CADM2: variants seen among roughly 807,000 people sequenced by gnomAD.
CADM2 encodes immunoglobulin superfamily member 4D.
CADM2 carries 12 observed loss-of-function variants against 49.8 expected under a neutral mutation model. The observed-to-expected ratio is 0.24, with a 90% CI of 0.15 to 0.39. The LOEUF (loss-of-function observed/expected upper bound fraction) is 0.39. Ranked by LOEUF, CADM2 falls within the 10% of genes least tolerant of loss-of-function variation. CADM2 has a pLI of 1.00. For missense variants in CADM2, 378 were observed against 492.3 expected (o/e 0.77, Z 2.20); for synonymous variants, 214 against 175.4 (o/e 1.22, Z -1.74).
rs1418273669 is a variant in CADM2 at position 86,072,673 on chromosome 3, T to C, written c.*5890T>C. ...TTCTTCAGATGCTTTTTCGTGTACA[T>C]GATACTAGTAGACACTTTTCTCTTT... is the stretch of plus-strand genomic sequence containing the variant. On this transcript the variant is annotated 3_prime_UTR_variant, in exon 10 of 10. Coordinates refer to ENST00000383699, the MANE Select transcript of CADM2 (RefSeq NM_001167675.2). 1 of 152,034 alleles carries C rather than the reference T, an allele frequency of 6.6e-6. No individual in the cohort carries two copies. Among genetic ancestry groups the C allele is most frequent in the Non-Finnish European group, 1.5e-5 (1 of 67,956 alleles). 9.4% of individuals were successfully genotyped at this position (152,034 alleles called of 1,614,324 possible).
chr3:85,842,953 C>A (rs910067223), intron 3 of CADM2, among the ~76,000 whole-genome samples: 3 of 151,978 alleles, frequency 2.0e-5, no homozygotes, highest in African/African-American at 7.2e-5. Context: ...TGTGGACATG[C>A]ATTCATATAA....
chr3:85,097,332 T>C (rs2037837374), intron 1 of CADM2, among the ~76,000 whole-genome samples: 1 of 152,184 alleles, frequency 6.6e-6, no homozygotes, highest in Admixed American at 6.5e-5. Context: ...CATGAATTCT[T>C]CATTTTTTAT....
chr3:85,854,113 C>G (rs746546088), intron 3 of CADM2, among the ~76,000 whole-genome samples: 2 of 151,974 alleles, frequency 1.3e-5, no homozygotes, highest in Non-Finnish European at 2.9e-5. Context: ...TTTTTAAAAA[C>G]TAAAAACCAC....
chr3:85,583,088 T>A (rs551680079), intron 1 of CADM2, among the ~76,000 whole-genome samples: 1 of 152,154 alleles, frequency 6.6e-6, no homozygotes, highest in African/African-American at 2.4e-5. Context: ...TTATTTACTA[T>A]ACGTTAGGAA....
chr3:85,153,091 C>T (rs564313880), intron 1 of CADM2, among the ~76,000 whole-genome samples: 8 of 152,278 alleles, frequency 5.3e-5, no homozygotes, highest in African/African-American at 1.7e-4. Context: ...GCCAAGATGG[C>T]CAAATAGGAA....
chr3:85,578,280 G>T (rs1251454164), intron 1 of CADM2, among the ~76,000 whole-genome samples: 1 of 152,132 alleles, frequency 6.6e-6, no homozygotes, highest in Non-Finnish European at 1.5e-5. Flanking sequence ...TAAAATTACT[G>T]AAGAGTGTGT....
intron 1 of CADM2, among the ~76,000 whole-genome samples, chr3:85,192,954 C>T (rs1255584793): frequency 2.0e-5 from 3 of 151,938 alleles, no homozygotes; most frequent in South Asian, 2.1e-4. Flanking sequence ...ATAAATGATG[C>T]AAGTATAAAT....
intron 6 of CADM2, among the ~76,000 whole-genome samples, chr3:85,916,132 T>A (rs1015082767): frequency 5.3e-5 from 8 of 152,118 alleles, no homozygotes; most frequent in Admixed American, 3.3e-4. Flanking sequence ...AAAATATTAA[T>A]CATACATTTA....
At chr3:85,203,940 A>T (rs2041569608) in intron 1 of CADM2, among the ~76,000 whole-genome samples, 1 of 152,204 alleles carries the variant, frequency 6.6e-6, no homozygotes, top group Non-Finnish European at 1.5e-5. Flanking sequence ...GAATGATGAA[A>T]GAATAATCCT....
At chr3:85,077,643 T>C (rs893625070) in intron 1 of CADM2, among the ~76,000 whole-genome samples, 3 of 152,110 alleles carry the variant, frequency 2.0e-5, no homozygotes, top group African/African-American at 4.8e-5. Context: ...TAAAATGATG[T>C]AACAATTTCT....
At chr3:85,846,864 A>C (rs1483804578) in intron 3 of CADM2, among the ~76,000 whole-genome samples, 3 of 152,254 alleles carry the variant, frequency 2.0e-5, no homozygotes, top group Admixed American at 6.5e-5. Flanking sequence ...ACCATGTCTA[A>C]ATAAATAAAT....
intron 1 of CADM2, among the ~76,000 whole-genome samples, chr3:85,692,223 G>C (rs2066410937): frequency 1.3e-5 from 2 of 152,100 alleles, no homozygotes; most frequent in African/African-American, 4.8e-5. Context: ...TGTGGCTTTG[G>C]GAATAGAAAA....
intron 1 of CADM2, among the ~76,000 whole-genome samples, chr3:85,490,251 C>A (rs2039615944): frequency 6.6e-6 from 1 of 152,056 alleles, no homozygotes; most frequent in African/African-American, 2.4e-5. Flanking sequence ...GATTACACAC[C>A]TAAGGTTATA....
chr3:85,721,810 T>C (rs1409303543), intron 1 of CADM2, among the ~76,000 whole-genome samples: 2 of 152,220 alleles, frequency 1.3e-5, no homozygotes, highest in African/African-American at 2.4e-5. Context: ...TCTCCCACAA[T>C]GTGGCAAGCA....
intron 1 of CADM2, among the ~76,000 whole-genome samples, chr3:85,543,290 C>T (rs949251005): frequency 3.4e-5 from 5 of 146,582 alleles, no homozygotes; most frequent in African/African-American, 7.5e-5. Context: ...AGTCTTGCCC[C>T]GTCGCCCAGG....
intron 1 of CADM2, among the ~76,000 whole-genome samples, chr3:85,168,506 G>C (rs2040531077): frequency 6.6e-6 from 1 of 152,068 alleles, no homozygotes; most frequent in Admixed American, 6.6e-5. Flanking sequence ...TATCTGGTTT[G>C]TCACCATTTA....
chr3:85,016,813 A>C (rs2034269046), intron 1 of CADM2, among the ~76,000 whole-genome samples: 1 of 152,096 alleles, frequency 6.6e-6, no homozygotes, highest in African/African-American at 2.4e-5. Flanking sequence ...AAAAAGAAAA[A>C]GAAAAGAAAA....
At chr3:85,387,743 A>G (rs968106482) in intron 1 of CADM2, among the ~76,000 whole-genome samples, 12 of 152,164 alleles carry the variant, frequency 7.9e-5, no homozygotes, top group African/African-American at 2.7e-4. Context: ...CTAAATGATT[A>G]CATAATTTAA....
At chr3:85,074,155 A>C (rs1575812559) in intron 1 of CADM2, among the ~76,000 whole-genome samples, 1 of 151,672 alleles carries the variant, frequency 6.6e-6, no homozygotes, top group South Asian at 2.1e-4. Context: ...ACTCCTTCCC[A>C]CTTCTCTCCA....
Sources: allele counts gnomAD v4.1 joint callset (sites outside exome capture counted in the v4.1 genomes callset), GRCh38; gene constraint gnomAD v4.1.1; transcripts MANE v1.5; gene names NCBI Gene and HGNC (gene_info 2026-07-23, HGNC 2026-07-21).